NBEA: variants seen among roughly 807,000 people sequenced by gnomAD.
NBEA encodes the protein lysosomal-trafficking regulator 2.
In NBEA, 44 loss-of-function variants were observed where a neutral mutation model predicts 343.4. That is an observed-to-expected ratio of 0.13 (90% CI 0.10 to 0.16). NBEA has a LOEUF of 0.16. Among genes scored for constraint, NBEA ranks in the 10% least tolerant of loss-of-function variants. The probability of loss-of-function intolerance (pLI) is 1.00; values close to 1 mark genes in which losing one functional copy is unlikely to be tolerated. For synonymous variants in NBEA, 1,175 were observed against 1,238.7 expected, an observed-to-expected ratio of 0.95 and a Z score of 1.08; for missense variants, 2,555 against 3,631.3, an observed-to-expected ratio of 0.70 and a Z score of 7.62.
At chr13:35,008,867 C>T (rs1319629153) in intron 1 of NBEA, among the ~76,000 whole-genome samples, 1 of 152,050 alleles carries the variant, frequency 6.6e-6, no homozygotes, top group Non-Finnish European at 1.5e-5. Context: ...GTCTGTGAAC[C>T]CTAGCTTTGT....
At chr13:35,427,911 A>T (rs145374017) in intron 38 of NBEA, among the ~76,000 whole-genome samples, 69 of 152,254 alleles carry the variant, frequency 4.5e-4, no homozygotes, top group African/African-American at 1.6e-3. Flanking sequence ...GCGAGACTCT[A>T]TGGGCGTAGG....
chr13:35,359,383 C>A (rs530718496), intron 38 of NBEA, among the ~76,000 whole-genome samples: 4 of 152,080 alleles, frequency 2.6e-5, no homozygotes, highest in Non-Finnish European at 5.9e-5. Context: ...GTGCCTGTCT[C>A]TTTCAACATA....
At chr13:35,652,448 G>A (rs1307726732) in intron 53 of NBEA, among the ~76,000 whole-genome samples, 1 of 151,282 alleles carries the variant, frequency 6.6e-6, no homozygotes, top group Non-Finnish European at 1.5e-5. Flanking sequence ...AGACCATCCT[G>A]GCTAACACGG....
intron 38 of NBEA, among the ~76,000 whole-genome samples, chr13:35,398,116 G>C (rs117620224): frequency 6.6e-6 from 1 of 152,126 alleles, no homozygotes; most frequent in South Asian, 2.1e-4. Context: ...AATGTTCACA[G>C]CATCTTCACC....
intron 41 of NBEA, among the ~76,000 whole-genome samples, chr13:35,544,317 G>C (rs2078968257): frequency 1.3e-5 from 2 of 152,026 alleles, no homozygotes; most frequent in South Asian, 4.1e-4. Context: ...TGTAATACTT[G>C]TGCTAATATA....
intron 35 of NBEA, among the ~76,000 whole-genome samples, chr13:35,305,075 T>A (rs752074712): frequency 8.5e-5 from 13 of 152,210 alleles, no homozygotes; most frequent in Non-Finnish European, 1.5e-4. Flanking sequence ...CAGTTTTAAG[T>A]GTGTCAGTGT....
Position 35,353,648 on chromosome 13 carries a change from G to A in NBEA, c.6179+1325G>A, listed in dbSNP as rs187784264. On this transcript the variant is annotated intron_variant, in intron 38 of 58. Transcript: ENST00000379939. Reference sequence around the variant, plus strand: ...CCATGGCCTCTAACATTTATTATTTGTTGTGTGCGAGGGACCATACTAAGA... The same window carrying A: ...CCATGGCCTCTAACATTTATTATTTATTGTGTGCGAGGGACCATACTAAGA... Among the ~76,000 whole-genome samples, 220 of 152,094 alleles carry A rather than the reference G, an allele frequency of 1.4e-3. 1 individual carries two copies. Among genetic ancestry groups the A allele is most frequent in the Non-Finnish European group, 2.7e-3 (186 of 67,948 alleles).
chr13:35,424,743 C>T (rs962056748), intron 38 of NBEA, among the ~76,000 whole-genome samples: 24 of 152,118 alleles, frequency 1.6e-4, no homozygotes, highest in African/African-American at 4.8e-4. Context: ...CCTCCTTGTA[C>T]CTCTGGTAGA....
At position 35,657,549 on chromosome 13, in the gene NBEA, G is replaced by T. The variant is rs531194886; in HGVS notation, c.8362+1800G>T. ...TGCCTATGTATGCGTATGTGTACAT[G>T]TGTATAAGACATATGACCTACCAGC... On this transcript the variant is annotated intron_variant, in intron 55 of 58. Transcript: ENST00000379939. Among the ~76,000 whole-genome samples, 4 of 152,218 alleles carry T rather than the reference G, an allele frequency of 2.6e-5. No homozygotes were observed. In the South Asian group the frequency reaches 8.3e-4, roughly 32 times the overall value.
chr13:35,093,112 C>A (rs1465073383), intron 10 of NBEA, among the ~76,000 whole-genome samples: 1 of 151,924 alleles, frequency 6.6e-6, no homozygotes. Context: ...CCATCTATGT[C>A]ACATTCTTGA....
At chr13:35,174,943 C>T (rs2152725334) in intron 27 of NBEA, among the ~76,000 whole-genome samples, 1 of 152,076 alleles carries the variant, frequency 6.6e-6, no homozygotes, top group Admixed American at 6.6e-5. Flanking sequence ...CAGATGTGTG[C>T]CACCACGCCC....
chr13:35,670,557 G>A (rs1045095253), intron 58 of NBEA, among the ~76,000 whole-genome samples: 1 of 152,228 alleles, frequency 6.6e-6, no homozygotes, highest in African/African-American at 2.4e-5. Context: ...GATATCCTCA[G>A]AGAAGCCAAT....
At chr13:35,154,323 A>C (rs1435064459) in intron 18 of NBEA, among the ~76,000 whole-genome samples, 1 of 152,176 alleles carries the variant, frequency 6.6e-6, no homozygotes, top group African/African-American at 2.4e-5. Context: ...CAGCTTCTAC[A>C]ATATAGCTAT....
At chr13:35,025,603 T>G (rs1426416498) in intron 1 of NBEA, among the ~76,000 whole-genome samples, 1 of 151,952 alleles carries the variant, frequency 6.6e-6, no homozygotes, top group East Asian at 1.9e-4. Context: ...ATGCCTCTGG[T>G]TTTCTTCTTT....
At chr13:35,085,602 T>C (rs889153523) in intron 10 of NBEA, among the ~76,000 whole-genome samples, 2 of 152,098 alleles carry the variant, frequency 1.3e-5, no homozygotes, top group South Asian at 2.1e-4. Flanking sequence ...AAGAGCTATT[T>C]ATGACAAACC....
intron 55 of NBEA, among the ~76,000 whole-genome samples, chr13:35,658,218 T>C (rs960655611): frequency 6.6e-6 from 1 of 152,204 alleles, no homozygotes; most frequent in Non-Finnish European, 1.5e-5. Flanking sequence ...CTTAAAGATA[T>C]TATGACAAAA....
At chr13:35,106,378 C>A (rs956947255) in intron 11 of NBEA, among the ~76,000 whole-genome samples, 2 of 151,912 alleles carry the variant, frequency 1.3e-5, no homozygotes, top group Admixed American at 1.3e-4. Flanking sequence ...TTTTCCCAGG[C>A]TGTGTTTTTT....
At chr13:35,043,657 C>A (rs149096144) in intron 2 of NBEA, among the ~76,000 whole-genome samples, 1 of 151,650 alleles carries the variant, frequency 6.6e-6, no homozygotes, top group African/African-American at 2.4e-5. Context: ...TCCACTGTCA[C>A]AATTTTGTCA....
At chr13:35,019,442 C>T (rs1386166661) in intron 1 of NBEA, among the ~76,000 whole-genome samples, 6 of 151,700 alleles carry the variant, frequency 4.0e-5, no homozygotes, top group African/African-American at 9.7e-5. Context: ...GGATTATAGG[C>T]GGACACCACC....
Sources: allele counts gnomAD v4.1 joint callset (sites outside exome capture counted in the v4.1 genomes callset), GRCh38; gene constraint gnomAD v4.1.1; transcripts MANE v1.5; gene names NCBI Gene and HGNC (gene_info 2026-07-23, HGNC 2026-07-21).